CAPN11: variants seen among roughly 807,000 people sequenced by gnomAD.
The protein encoded by CAPN11 is calpain-11.
A neutral mutation model predicts 105.3 loss-of-function variants in CAPN11; 108 were observed. The ratio of observed to expected loss-of-function variants is 1.03; its 90% CI spans 0.88 to 1.20. The LOEUF (loss-of-function observed/expected upper bound fraction) is 1.20, where lower values mean the gene tolerates loss of function less well. Among genes scored for constraint, CAPN11 ranks in the 50% most tolerant of loss-of-function variants. The pLI is 0.00. For missense variants in CAPN11, 883 were observed against 924.8 expected (o/e 0.95, Z 0.59); for synonymous variants, 329 against 344.5 (o/e 0.96, Z 0.50).
In CAPN11 at chr6:44,166,784, A is replaced by G; in HGVS notation, c.43A>G (p.Ser15Gly). The change falls in exon 2 of 23, where the codon AGC becomes GGC. Residue 15 changes from serine (S) to glycine (G), a missense_variant. Transcript: ENST00000398776. ...GCCGAGTCTTCCGGAGTCAGCAGAGAGCCTGGATGGATCACAGGAGGATAA... is the reference window on the plus strand; with the variant it reads ...GCCGAGTCTTCCGGAGTCAGCAGAGGGCCTGGATGGATCACAGGAGGATAA... ...PGPSLPESAE[S>G]LDGSQEDKPR... The G allele has an allele frequency of 1.3e-6, 2 of 1,552,068 alleles. No individual in the cohort carries two copies. The highest frequency in any genetic ancestry group is 1.7e-6 in the Non-Finnish European group (2 of 1,146,980).
intron 1 of CAPN11, among the ~76,000 whole-genome samples, chr6:44,159,202 TG>T (rs1440094335): frequency 6.6e-6 from 1 of 152,124 alleles, no homozygotes; most frequent in Non-Finnish European, 1.5e-5. Flanking sequence ...CCCACTGTCA[TG>T]GCTGCTGGGG....
rs758729977 is a variant in CAPN11 at position 44,180,769 on chromosome 6, G to C, written c.1768G>C (p.Glu590Gln). 1.9e-5 allele frequency: 30 copies of C among 1,613,612 alleles called. No individual in the cohort carries two copies. Among genetic ancestry groups the C allele is most frequent in the Admixed American group, 6.7e-5 (4 of 59,972 alleles). ...CTAGGGCAAGGAGATAGGGGTGTAT[G>C]AGCTCCAGAGGCTGCTCAACAGGAT... ...AGEGKEIGVYELQRLLNRMAI... is the reference protein window; with the variant it reads ...AGEGKEIGVYQLQRLLNRMAI... The change falls in exon 17 of 23, where the codon GAG becomes CAG. Residue 590 changes from glutamate (E) to glutamine (Q), a missense_variant. By Grantham distance (29) the Glu-to-Gln change is conservative. Transcript: ENST00000398776.
At chr6:44,178,850 G>C (rs1344910413) in intron 12 of CAPN11, among the ~76,000 whole-genome samples, 3 of 151,802 alleles carry the variant, frequency 2.0e-5, no homozygotes, top group Non-Finnish European at 4.4e-5. Flanking sequence ...TTGAGCTCAG[G>C]AGGTCGAAGC....
intron 19 of CAPN11, among the ~76,000 whole-genome samples, chr6:44,181,558 T>TC (rs1773392929): frequency 7.3e-5 from 1 of 13,788 alleles, no homozygotes; most frequent in African/African-American, 1.9e-4. Flanking sequence ...CACACTCACA[T>TC]ACAGACACAA....
chr6:44,180,512 T>A lies in CAPN11; in HGVS notation c.1680+13T>A. 1 of 1,613,720 alleles carries A rather than the reference T, an allele frequency of 6.2e-7. No homozygotes were observed. Among genetic ancestry groups the A allele is most frequent in the Non-Finnish European group, 8.5e-7 (1 of 1,179,802 alleles). The stretch of plus-strand genomic sequence containing the variant: ...GCAACTCCAAGAGGTGAGGGGAGAC[T>A]GTAGGGCTGGGGGTTGGAAGGAAGC... On this transcript the variant is annotated intron_variant, in intron 15 of 22. Coordinates refer to ENST00000398776, the MANE Select transcript of CAPN11 (RefSeq NM_007058.4).
Position 44,169,410 on chromosome 6 carries a change from G to A in CAPN11, c.218G>A (p.Cys73Tyr). ...AGCTTTGAGGAGCTGCGAGCAGCCT[G>A]TCTAAGAAAGGGGGAGCTCTTCGAG... ...NQSFEELRAA[C>Y]LRKGELFEDP... Residue 73 changes from cysteine to tyrosine, a missense_variant, in exon 3 of 23, where the codon TGT becomes TAT. Physicochemically the swap from Cys to Tyr is radical, Grantham distance 194 (BLOSUM62 -2). Transcript: ENST00000398776. 3.7e-6 allele frequency: 6 copies of A among 1,613,934 alleles called. No individual in the cohort carries two copies. Among genetic ancestry groups the A allele is most frequent in the Non-Finnish European group, 5.1e-6 (6 of 1,179,858 alleles).
chr6:44,167,491 C>G (rs1436952423), intron 2 of CAPN11, among the ~76,000 whole-genome samples: 1 of 118,512 alleles, frequency 8.4e-6, no homozygotes, highest in Non-Finnish European at 1.6e-5. Context: ...GAATGAGACT[C>G]CATCTCAAAA....
Position 44,176,880 on chromosome 6 carries a change from G to A in CAPN11, c.1119G>A (p.Glu373=), listed in dbSNP as rs1447984887. Residue 373 remains glutamate, a synonymous_variant, in exon 11 of 23, where the codon GAG becomes GAA. Coordinates refer to ENST00000398776, the MANE Select transcript of CAPN11 (RefSeq NM_007058.4). ...TCCTGAACAACTTCACGCTCCTGGA[G>A]ATCTGCAACCTCACGCCTGATACAC... The part of the protein sequence containing the change: ...QDFLNNFTLL[E]ICNLTPDTLS... The A allele has an allele frequency of 5.0e-6, 8 of 1,613,926 alleles. No individual in the cohort carries two copies. The highest frequency in any genetic ancestry group is 5.9e-6 in the Non-Finnish European group (7 of 1,179,886).
At position 44,176,574 on chromosome 6, in the gene CAPN11, G is replaced by A; in HGVS notation, c.1002-7G>A. 1 of 1,612,152 alleles carries A rather than the reference G, an allele frequency of 6.2e-7. No homozygotes were observed. Among genetic ancestry groups the A allele is most frequent in the Non-Finnish European group, 8.5e-7 (1 of 1,178,586 alleles). ...CCCTCTCCTTCCACCGCCCATCTCT[G>A]CTCCAGTGCCAGGGAGTGGGAAGAG... is the stretch of plus-strand genomic sequence containing the variant. On this transcript the variant is annotated splice_polypyrimidine_tract_variant and splice_region_variant and intron_variant, in intron 9 of 22. Transcript: ENST00000398776.
In CAPN11 at chr6:44,180,679, C is replaced by T. The variant is rs369617053; in HGVS notation, c.1746+17C>T. 33 of 1,613,384 alleles carry T rather than the reference C, an allele frequency of 2.0e-5. No homozygotes were observed. The highest frequency in any genetic ancestry group is 2.0e-4 in the African/African-American group (15 of 74,840). ...GCAGGAGAGGTGAGCAGGCCACGAGCGGAGGGCTGACAGGAGGGGGATGAG... is the reference window on the plus strand; with the variant it reads ...GCAGGAGAGGTGAGCAGGCCACGAGTGGAGGGCTGACAGGAGGGGGATGAG... On this transcript the variant is annotated intron_variant, in intron 16 of 22. Coordinates refer to ENST00000398776, the MANE Select transcript of CAPN11 (RefSeq NM_007058.4).
intron 2 of CAPN11, among the ~76,000 whole-genome samples, chr6:44,167,385 C>A (rs140850199): frequency 0.011 from 1,672 of 151,084 alleles, 31 homozygotes; most frequent in African/African-American, 0.038. Flanking sequence ...GTAATCCCAG[C>A]TACTCAGGAG....
chr6:44,183,305 T>C (rs1353080314), intron 21 of CAPN11, 70 bp downstream of exon 21: 1 of 915,130 alleles, frequency 1.1e-6, no homozygotes, highest in Non-Finnish European at 1.8e-6. Context: ...ACACCCACCC[T>C]GATGGGTGCT....
chr6:44,167,137 T>C (rs5025501), intron 2 of CAPN11, among the ~76,000 whole-genome samples: 47,543 of 151,806 alleles, frequency 0.31, 8,831 homozygotes, highest in Non-Finnish European at 0.42. Context: ...TCTGACCCGG[T>C]CCGACACCAG....
intron 8 of CAPN11, 37 bp downstream of exon 8, chr6:44,176,188 T>TGACAAGGAG (rs749050613): frequency 7.3e-7 from 1 of 1,369,816 alleles, no homozygotes; most frequent in East Asian, 2.7e-5. Flanking sequence ...CTGAGGACCC[T>TGACAAGGAG]GAGAAGGAGG....
chr6:44,181,953 TCA>T (rs757994415), intron 19 of CAPN11, among the ~76,000 whole-genome samples: 972 of 37,718 alleles, frequency 0.026, 4 homozygotes, highest in Non-Finnish European at 0.029. Context: ...CACACCACAC[TCA>T]CACACACACA....
chr6:44,181,384 CTAA>C (rs1773110863), intron 19 of CAPN11, 64 bp downstream of exon 19: 5 of 1,335,482 alleles, frequency 3.7e-6, no homozygotes, highest in Non-Finnish European at 4.2e-6. Context: ...AGAGATGGAA[CTAA>C]TGAGGGGAAG....
At chr6:44,176,690 C>T in intron 10 of CAPN11, 35 bp downstream of exon 10, 3 of 1,568,828 alleles carry the variant, frequency 1.9e-6, no homozygotes, top group Non-Finnish European at 2.6e-6. Flanking sequence ...CTTACCACCA[C>T]CCTAGGCCCT....
Position 44,176,262 on chromosome 6 carries a change from A to G in CAPN11, c.925A>G (p.Arg309Gly). The G allele has an allele frequency of 6.2e-7, 1 of 1,613,698 alleles. No individual in the cohort carries two copies. Among genetic ancestry groups the G allele is most frequent in the South Asian group, 1.1e-5 (1 of 91,070 alleles). Reference sequence around the variant, plus strand: ...ACCCCCGCCCACCCAGGTCCACTACAGAGGCAAAATGGAAACACTGATTCG... The same window carrying G: ...ACCCCCGCCCACCCAGGTCCACTACGGAGGCAAAATGGAAACACTGATTCG... ...SVTGLQDVHYRGKMETLIRVR... is the reference protein window; with the variant it reads ...SVTGLQDVHYGGKMETLIRVR... The change falls in exon 9 of 23, where the codon AGA becomes GGA. Residue 309 changes from arginine (R) to glycine (G), a missense_variant. Arg to Gly is a moderately radical substitution (Grantham distance 125). Transcript: ENST00000398776.
rs1480516835 is a variant in CAPN11, at chr6:44,184,050, T to C, written c.*118T>C. ...TCCGGTCTCTGCTGATGAAATGGGCTCCAGGTGGCAGTGCCCGGGTCCCAG... is the reference window on the plus strand; with the variant it reads ...TCCGGTCTCTGCTGATGAAATGGGCCCCAGGTGGCAGTGCCCGGGTCCCAG... On this transcript the variant is annotated 3_prime_UTR_variant, in exon 23 of 23. Transcript: ENST00000398776. The C allele has an allele frequency of 3.4e-6, 4 of 1,185,586 alleles. No homozygotes were observed. The South Asian group carries it at 4.1e-5, about 12-fold the overall frequency. The allele number at this position is 1,185,586 out of a possible 1,614,324, so 73.4% of individuals were successfully genotyped here. A position where few individuals can be genotyped will look rare whatever the true frequency, so the allele number is the denominator to read the frequency against.
Sources: gnomAD v4.1 joint callset for allele counts (sites outside exome capture counted in the v4.1 genomes callset) on GRCh38, gnomAD v4.1.1 for gene constraint, MANE v1.5 for transcripts, NCBI Gene and HGNC (gene_info 2026-07-23, HGNC 2026-07-21) for gene names.